FRA10AC1: variants seen among roughly 807,000 people sequenced by gnomAD.
FRA10AC1 encodes the protein FRA10A associated CGG repeat 1.
A neutral mutation model predicts 56.5 loss-of-function variants in FRA10AC1; 43 were observed. The ratio of observed to expected loss-of-function variants is 0.76; its 90% CI spans 0.60 to 0.98. The LOEUF (loss-of-function observed/expected upper bound fraction) is 0.98. Ranked by LOEUF, FRA10AC1 falls within the 50% of genes least tolerant of loss-of-function variation. FRA10AC1 has a pLI of 0.00. For synonymous variants in FRA10AC1, 112 were observed against 110.5 expected, an observed-to-expected ratio of 1.01 and a Z score of -0.09; for missense variants, 346 against 351.8, an observed-to-expected ratio of 0.98 and a Z score of 0.13.
At chr10:93,702,717 G>A, upstream of FRA10AC1, 2 of 246,156 alleles carry the variant, frequency 8.1e-6, no homozygotes, top group South Asian at 8.0e-5. Flanking sequence ...AAGGGACGAA[G>A]AGGCTTCCAG....
At chr10:93,693,692 C>CCATATATATATATATATATATATAT (rs2059181592) in intron 5 of FRA10AC1, among the ~76,000 whole-genome samples, 1 of 80,600 alleles carries the variant, frequency 1.2e-5, no homozygotes, top group Non-Finnish European at 3.3e-5. Flanking sequence ...ATATATATAC[C>CCATATATATATATATATATATATAT]ATATATATAT....
chr10:93,676,699 G>C lies in FRA10AC1; in HGVS notation c.788-8C>G, dbSNP rs751571324. ...TCTTTGAAGATGAATGTCCTGAAAA[G>C]GAAACATCATTGATTTATTAACTAT... is the stretch of plus-strand genomic sequence containing the variant. On this transcript the variant is annotated splice_region_variant and splice_polypyrimidine_tract_variant and intron_variant, in intron 11 of 13. Coordinates refer to ENST00000359204, the MANE Select transcript of FRA10AC1 (RefSeq NM_145246.5). The C allele has an allele frequency of 1.9e-6, 3 of 1,566,654 alleles. No homozygotes were observed. Among genetic ancestry groups the C allele is most frequent in the East Asian group, 4.6e-5 (2 of 43,056 alleles).
intron 11 of FRA10AC1, among the ~76,000 whole-genome samples, chr10:93,680,895 C>G (rs1042579723): frequency 6.6e-5 from 10 of 152,168 alleles, no homozygotes; most frequent in African/African-American, 2.2e-4. Flanking sequence ...AAAGAAAAAG[C>G]AGGCAGTTCT....
At chr10:93,681,337 A>G (rs183811072) in intron 11 of FRA10AC1, 143 bp downstream of exon 11, 267 of 574,614 alleles carry the variant, frequency 4.6e-4, no homozygotes, top group Middle Eastern at 9.3e-4. Context: ...CTTTAAGTTC[A>G]TATCTAAATT....
At chr10:93,675,718 T>A (rs1234168700) in intron 12 of FRA10AC1, 3 of 322,502 alleles carry the variant, frequency 9.3e-6, no homozygotes, top group Non-Finnish European at 2.0e-5. Flanking sequence ...AAAAATAAAA[T>A]AAAATAACTA....
chr10:93,700,221 G>A (rs1232157410), intron 1 of FRA10AC1, 115 bp from the exon 2 acceptor site: 3 of 612,320 alleles, frequency 4.9e-6, no homozygotes, highest in Non-Finnish European at 8.4e-6. Flanking sequence ...GGATCATTGT[G>A]GGCAGATTCC....
chr10:93,694,169 G>A (rs956122054), intron 5 of FRA10AC1, among the ~76,000 whole-genome samples: 7 of 152,140 alleles, frequency 4.6e-5, no homozygotes, highest in Non-Finnish European at 7.4e-5. Context: ...ACTTTGATGT[G>A]CAAGAAATGC....
At chr10:93,698,425 C>A in intron 2 of FRA10AC1, 29 bp from the exon 3 acceptor site, 1 of 1,267,298 alleles carries the variant, frequency 7.9e-7, no homozygotes, top group Non-Finnish European at 1.1e-6. Context: ...AATAAGAGTT[C>A]ACTTTTTTCA....
chr10:93,695,744 AAGAG>A (rs1220589368), intron 4 of FRA10AC1, among the ~76,000 whole-genome samples: 1 of 151,998 alleles, frequency 6.6e-6, no homozygotes, highest in Non-Finnish European at 1.5e-5. Context: ...AAAAAAAAAA[AAGAG>A]AGAGACAGAA....
In FRA10AC1 at chr10:93,702,561, CTCCCTA is replaced by C. The variant is rs2059362727; in HGVS notation, c.-193_-188del. 4.5e-6 allele frequency: 1 copy of C among 220,606 alleles called. No homozygotes were observed. The highest frequency in any genetic ancestry group is 8.8e-6 in the Non-Finnish European group (1 of 113,858). 13.7% of individuals were successfully genotyped at this position (220,606 alleles called of 1,614,324 possible). On this transcript the variant is annotated 5_prime_UTR_variant, in exon 1 of 14. Transcript: ENST00000359204. Reference sequence around the variant, plus strand: ...CGCCGCCGCCGCCCGCAACCCGCCTCTCCCTACGGGTCCCGACTGGGCACCACTTCC... The same window carrying C: ...CGCCGCCGCCGCCCGCAACCCGCCTCCGGGTCCCGACTGGGCACCACTTCC...
In FRA10AC1 at chr10:93,669,716, C is replaced by T. The variant is rs1589710640; in HGVS notation, c.*110G>A. ...CTGGATTTTTATTTCCAAAGACAAACCACACAAGCTGTAACTTGCAGATAA... is the reference window on the plus strand; with the variant it reads ...CTGGATTTTTATTTCCAAAGACAAATCACACAAGCTGTAACTTGCAGATAA... On this transcript the variant is annotated 3_prime_UTR_variant, in exon 14 of 14. Transcript: ENST00000359204. The T allele has an allele frequency of 2.8e-6, 2 of 719,396 alleles. No individual in the cohort carries two copies. Among genetic ancestry groups the T allele is most frequent in the East Asian group, 5.8e-5 (2 of 34,420 alleles). 44.6% of individuals were successfully genotyped at this position (719,396 alleles called of 1,614,324 possible).
At chr10:93,679,380 G>A (rs2058895346) in intron 11 of FRA10AC1, among the ~76,000 whole-genome samples, 1 of 152,146 alleles carries the variant, frequency 6.6e-6, no homozygotes, top group African/African-American at 2.4e-5. Flanking sequence ...AAAGTGTCAG[G>A]AGCCATGACA....
At chr10:93,675,887 G>A (rs1008710027) in intron 12 of FRA10AC1, among the ~76,000 whole-genome samples, 4 of 152,132 alleles carry the variant, frequency 2.6e-5, no homozygotes, top group Non-Finnish European at 5.9e-5. Flanking sequence ...TAGATTCAAA[G>A]CTACTGTTTG....
chr10:93,669,872 T>C lies in FRA10AC1; in HGVS notation c.906-4A>G. The C allele has an allele frequency of 6.5e-7, 1 of 1,535,006 alleles. No homozygotes were observed. The highest frequency in any genetic ancestry group is 8.9e-7 in the Non-Finnish European group (1 of 1,119,630). ...ATACTCATCAAATTCTTCTTCCCTA[T>C]TTAAAAAAAAAAGCATACTTAAGAT... On this transcript the variant is annotated splice_region_variant and splice_polypyrimidine_tract_variant and intron_variant, in intron 13 of 13. Transcript: ENST00000359204.
intron 12 of FRA10AC1, chr10:93,675,764 TGA>T: frequency 3.8e-6 from 1 of 265,336 alleles, no homozygotes; most frequent in Non-Finnish European, 8.3e-6. Context: ...TAAATTTCTA[TGA>T]GATAAGTCCA....
chr10:93,692,799 G>A (rs892192993), intron 5 of FRA10AC1, 70 bp from the exon 6 acceptor site: 5 of 875,940 alleles, frequency 5.7e-6, no homozygotes, highest in Non-Finnish European at 8.7e-6. Flanking sequence ...ATAGCTCTGT[G>A]AGTTTTGGAA....
chr10:93,692,101 C>A lies in FRA10AC1; in HGVS notation c.381-8G>T. 1 of 1,472,858 alleles carries A rather than the reference C, an allele frequency of 6.8e-7. No homozygotes were observed. The highest frequency in any genetic ancestry group is 9.0e-7 in the Non-Finnish European group (1 of 1,114,160). The allele number at this position is 1,472,858 out of a possible 1,614,324, so 91.2% of individuals were successfully genotyped here. A position where few individuals can be genotyped will look rare whatever the true frequency, so the allele number is the denominator to read the frequency against. On this transcript the variant is annotated splice_region_variant and splice_polypyrimidine_tract_variant and intron_variant, in intron 6 of 13. Transcript: ENST00000359204. ...TTAGCAAGTCTCTTCTCCCTAGACC[C>A]ATGAAAATATAAATATTATACATTT...
chr10:93,671,783 T>C, intron 12 of FRA10AC1: 1 of 308,382 alleles, frequency 3.2e-6, no homozygotes, highest in Non-Finnish European at 6.2e-6. Context: ...ATGTACGTAT[T>C]GTAAGTTTGC....
intron 5 of FRA10AC1, among the ~76,000 whole-genome samples, chr10:93,693,014 C>G (rs2059149975): frequency 6.6e-6 from 1 of 151,824 alleles, no homozygotes; most frequent in African/African-American, 2.4e-5. Context: ...AATGAGAAAC[C>G]TGACTAAACA....
Sources: gnomAD v4.1 joint callset for allele counts (sites outside exome capture counted in the v4.1 genomes callset) on GRCh38, gnomAD v4.1.1 for gene constraint, MANE v1.5 for transcripts, NCBI Gene and HGNC (gene_info 2026-07-23, HGNC 2026-07-21) for gene names.